Variants in IFT140 observed in about 807,000 individuals in gnomAD.
The protein encoded by IFT140 is intraflagellar transport protein 140 homolog.
Under a neutral mutation model 164.6 loss-of-function variants are expected in IFT140, and 133 were observed. That is an observed-to-expected ratio of 0.81 (90% CI 0.70 to 0.93). The LOEUF (loss-of-function observed/expected upper bound fraction) is 0.93, where lower values mean the gene tolerates loss of function less well. IFT140 is among the 40% of genes least tolerant of loss of function. The pLI, the probability that IFT140 is intolerant of heterozygous loss-of-function variation, is 0.00. For missense variants in IFT140, 2,045 were observed against 1,972.3 expected (o/e 1.04, Z -0.70); for synonymous variants, 860 against 817.3 (o/e 1.05, Z -0.89).
chr16:1,593,315 CTTT>C (rs796687743), intron 4 of IFT140, among the ~76,000 whole-genome samples: 1 of 146,168 alleles, frequency 6.8e-6, no homozygotes, highest in Non-Finnish European at 1.5e-5. Flanking sequence ...TTAAAATAAA[CTTT>C]TTTTTTTTTT....
In IFT140 at chr16:1,580,869, A is replaced by G. The variant is rs762301850; in HGVS notation, c.1433-19T>C. Reference sequence around the variant, plus strand: ...AAGGTCCCTAAAATGAAAGACGAACATCAGGATGGCGGCCGCTCATCCGCC... The same window carrying G: ...AAGGTCCCTAAAATGAAAGACGAACGTCAGGATGGCGGCCGCTCATCCGCC... On this transcript the variant is annotated intron_variant, in intron 12 of 30. Coordinates refer to ENST00000426508, the MANE Select transcript of IFT140 (RefSeq NM_014714.4). The G allele has an allele frequency of 4.5e-6, 7 of 1,565,222 alleles. No homozygotes were observed. The East Asian group carries it at 1.3e-4, about 30-fold the overall frequency.
chr16:1,592,642 TG>T lies in IFT140; in HGVS notation c.370-55del. ...ACAGGTGTCCCGGCAGAGCGACTGG[TG>T]GAGGGACAGGTGTCCTGGCAGAGCG... On this transcript the variant is annotated intron_variant, in intron 4 of 30. Coordinates refer to ENST00000426508, the MANE Select transcript of IFT140 (RefSeq NM_014714.4). 1.9e-6 allele frequency: 3 copies of T among 1,574,150 alleles called. No individual in the cohort carries two copies. The Middle Eastern group carries it at 5.1e-4, about 268-fold the overall frequency.
chr16:1,528,347 ATGCACGCACGTGTGCACACACACG>A (rs1567333646), intron 19 of IFT140, among the ~76,000 whole-genome samples: 63 of 131,364 alleles, frequency 4.8e-4, no homozygotes, highest in African/African-American at 1.6e-3. Context: ...ACACACACGC[ATGCACGCACGTGTGCACACACACG>A]CATGCACGCA....
rs958990368 is a variant in IFT140, at chr16:1,510,759, G to C, written c.*185C>G. 1.8e-5 allele frequency: 11 copies of C among 624,532 alleles called. No homozygotes were observed. Among genetic ancestry groups the C allele is most frequent in the Admixed American group, 2.7e-5 (1 of 37,020 alleles). The allele number at this position is 624,532 out of a possible 1,614,324, so 38.7% of individuals were successfully genotyped here. On this transcript the variant is annotated 3_prime_UTR_variant, in exon 31 of 31. Coordinates refer to ENST00000426508, the MANE Select transcript of IFT140 (RefSeq NM_014714.4). ...CGGGCACCCAGAGGCAGGTGGGACA[G>C]AGCAAGGTGCAGACGGGTCACACCC...
In IFT140 at chr16:1,567,627, G is replaced by A. The variant is rs138066639; in HGVS notation, c.1770+590C>T. On this transcript the variant is annotated intron_variant, in intron 15 of 30. Transcript: ENST00000426508. ...CTGTGTCCGTGGTGCCTAGCACAGC[G>A]TCTGGCCCACGGCAGGAGATCAGTC... 5.3e-3 allele frequency among the ~76,000 whole-genome samples: 813 copies of A among 152,348 alleles called. 7 individuals are homozygous for A. The highest frequency in any genetic ancestry group is 0.019 in the African/African-American group (773 of 41,580).
chr16:1,606,848 GCA>G (rs1348773897), intron 3 of IFT140, among the ~76,000 whole-genome samples: 4 of 151,882 alleles, frequency 2.6e-5, no homozygotes, highest in African/African-American at 9.7e-5. Context: ...ACACACGTGT[GCA>G]CACACACGCA....
At chr16:1,598,389 C>T (rs1051248870) in intron 4 of IFT140, among the ~76,000 whole-genome samples, 3 of 151,956 alleles carry the variant, frequency 2.0e-5, no homozygotes, top group Non-Finnish European at 2.9e-5. Flanking sequence ...ACCTAGGAGG[C>T]GGAGCTTGCA....
At chr16:1,529,904 G>C (rs138818596) in intron 19 of IFT140, among the ~76,000 whole-genome samples, 8 of 152,218 alleles carry the variant, frequency 5.3e-5, no homozygotes, top group African/African-American at 1.7e-4. Flanking sequence ...GGTCACATCT[G>C]AATCTCAAAA....
chr16:1,557,100 G>T (rs769697171), intron 19 of IFT140, among the ~76,000 whole-genome samples: 1 of 149,842 alleles, frequency 6.7e-6, no homozygotes, highest in Non-Finnish European at 1.5e-5. Flanking sequence ...GATTAAAGGC[G>T]TGAGCCACCG....
intron 19 of IFT140, among the ~76,000 whole-genome samples, chr16:1,544,621 C>T (rs188577039): frequency 6.9e-4 from 105 of 152,176 alleles, no homozygotes; most frequent in Middle Eastern, 6.8e-3. Context: ...TGTGCTACTG[C>T]GCCCAGCTGG....
At position 1,525,946 on chromosome 16, in the gene IFT140, G is replaced by A. The variant is rs1460776036; in HGVS notation, c.2709C>T (p.Thr903=). The A allele has an allele frequency of 4.4e-6, 7 of 1,578,446 alleles. No individual in the cohort carries two copies. Among genetic ancestry groups the A allele is most frequent in the Non-Finnish European group, 6.0e-6 (7 of 1,163,712 alleles). Residue 903 remains threonine (T), a synonymous_variant, in exon 21 of 31, where the codon ACC becomes ACT. Transcript: ENST00000426508. ...EHHDRVHLRS[T]YHRYAGHLEA... ...CCAGGTGCCCGGCATAGCGGTGGTAGGTGCTGCGCAGGTGCACGCGATCGT... is the reference window on the plus strand; with the variant it reads ...CCAGGTGCCCGGCATAGCGGTGGTAAGTGCTGCGCAGGTGCACGCGATCGT...
At chr16:1,527,052 C>A in intron 19 of IFT140, 1 of 499,950 alleles carries the variant, frequency 2.0e-6, no homozygotes, top group Non-Finnish European at 3.5e-6. Context: ...ATCTCTTATG[C>A]AGATCACCAG....
At chr16:1,592,729 A>G (rs1191115481) in intron 4 of IFT140, 141 bp from the exon 5 acceptor site, 30 of 1,348,826 alleles carry the variant, frequency 2.2e-5, no homozygotes, top group African/African-American at 3.0e-5. Flanking sequence ...GTCCCGGCAG[A>G]GTGACTGGTG....
chr16:1,511,199 C>T (rs374721373), intron 30 of IFT140, 49 bp from the exon 31 acceptor site: 150 of 1,501,104 alleles, frequency 1.0e-4, no homozygotes, highest in Middle Eastern at 5.1e-4. Flanking sequence ...CAACCAGGCA[C>T]GACCCTCTGC....
chr16:1,525,190 G>C, intron 22 of IFT140, 41 bp downstream of exon 22: 1 of 1,502,122 alleles, frequency 6.7e-7, no homozygotes, highest in Non-Finnish European at 9.2e-7. Context: ...CAAACCTCCA[G>C]GATGGAGTGC....
At chr16:1,557,817 T>C (rs2033182801) in intron 19 of IFT140, 118 bp downstream of exon 19, 6 of 979,034 alleles carry the variant, frequency 6.1e-6, no homozygotes, top group African/African-American at 4.9e-5. Flanking sequence ...AAATACACCA[T>C]GACGCAGTCA....
rs1002020416 is a variant in IFT140, at chr16:1,527,527, C to T, written c.2400-731G>A. Among the ~76,000 whole-genome samples, 6 of 152,296 alleles carry T rather than the reference C, an allele frequency of 3.9e-5. 1 individual carries two copies. Among genetic ancestry groups the T allele is most frequent in the Middle Eastern group, 3.4e-3 (1 of 294 alleles). ...ACAGGGTGCCAAGTGGGCAGAGCTG[C>T]GTCAGGGCACAGGTGCAGGGACGGT... On this transcript the variant is annotated intron_variant, in intron 19 of 30. Coordinates refer to ENST00000426508, the MANE Select transcript of IFT140 (RefSeq NM_014714.4).
chr16:1,561,469 G>C (rs2033405587), intron 18 of IFT140, among the ~76,000 whole-genome samples: 3 of 152,332 alleles, frequency 2.0e-5, no homozygotes, highest in South Asian at 2.1e-4. Flanking sequence ...CCAGAAGCCA[G>C]AACCCTACTG....
rs1410650271 is a variant in IFT140 at position 1,554,979 on chromosome 16, C to G, written c.2399+2956G>C. The G allele has an allele frequency of 3.7e-6, 6 of 1,613,820 alleles. No homozygotes were observed. The East Asian group carries it at 1.3e-4, about 36-fold the overall frequency. On this transcript the variant is annotated intron_variant, in intron 19 of 30. Transcript: ENST00000426508. Reference sequence around the variant, plus strand: ...TGTCATCAGCCGCTCCCTGACAGCGCGCTTTCGCCGTGGGCTGGACAATGA... The same window carrying G: ...TGTCATCAGCCGCTCCCTGACAGCGGGCTTTCGCCGTGGGCTGGACAATGA...
Sources: gnomAD v4.1 joint callset for allele counts (sites outside exome capture counted in the v4.1 genomes callset) on GRCh38, gnomAD v4.1.1 for gene constraint, MANE v1.5 for transcripts, NCBI Gene and HGNC (gene_info 2026-07-23, HGNC 2026-07-21) for gene names.